Variants in PRUNE1 observed in about 807,000 individuals in gnomAD.
The protein encoded by PRUNE1 is prune exopolyphosphatase 1.
Under a neutral mutation model 42.5 loss-of-function variants are expected in PRUNE1, and 25 were observed. That is an observed-to-expected ratio of 0.59 (90% CI 0.43 to 0.82). The LOEUF is 0.82. PRUNE1 is among the 40% of genes least tolerant of loss of function. The pLI, the probability that PRUNE1 is intolerant of heterozygous loss-of-function variation, is 0.00. For synonymous variants in PRUNE1, 203 were observed against 217.1 expected (o/e 0.93, Z 0.57); for missense variants, 443 against 539.3 (o/e 0.82, Z 1.77).
At chr1:151,019,556 CAAAAAAAA>C (rs61399605) in intron 3 of PRUNE1, among the ~76,000 whole-genome samples, 1 of 106,224 alleles carries the variant, frequency 9.4e-6, no homozygotes, top group Non-Finnish European at 1.8e-5. Flanking sequence ...GACCCTGTCT[CAAAAAAAA>C]AAAAAAAAAA....
intron 6 of PRUNE1, 68 bp from the exon 7 acceptor site, chr1:151,028,718 C>T (rs955998718): frequency 1.4e-5 from 21 of 1,537,796 alleles, no homozygotes; most frequent in South Asian, 3.5e-5. Flanking sequence ...CGACCGTGCC[C>T]GGCCCAAGGA....
Position 151,034,733 on chromosome 1 carries a change from A to G in PRUNE1, c.*499A>G, listed in dbSNP as rs1675457113. Reference sequence around the variant, plus strand: ...TTTATTCCAGTTTTCAGCCTACAGCAGATTATCAGCTCGGTGACTTTTCTT... The same window carrying G: ...TTTATTCCAGTTTTCAGCCTACAGCGGATTATCAGCTCGGTGACTTTTCTT... On this transcript the variant is annotated 3_prime_UTR_variant, in exon 8 of 8. Coordinates refer to ENST00000271620, the MANE Select transcript of PRUNE1 (RefSeq NM_021222.3). 6.3e-6 allele frequency: 1 copy of G among 159,684 alleles called. No individual in the cohort carries two copies. Among genetic ancestry groups the G allele is most frequent in the African/African-American group, 2.4e-5 (1 of 41,538 alleles). The allele number at this position is 159,684 out of a possible 1,614,324, so 9.9% of individuals were successfully genotyped here. A position where few individuals can be genotyped will look rare whatever the true frequency, so the allele number is the denominator to read the frequency against.
chr1:151,029,301 T>A (rs1356247102), intron 7 of PRUNE1, among the ~76,000 whole-genome samples: 5 of 151,112 alleles, frequency 3.3e-5, no homozygotes, highest in African/African-American at 1.2e-4. Context: ...CTAGGGACAG[T>A]GGCACGTGCC....
At chr1:151,010,357 T>G (rs1347858265) in intron 1 of PRUNE1, among the ~76,000 whole-genome samples, 1 of 152,358 alleles carries the variant, frequency 6.6e-6, no homozygotes, top group Non-Finnish European at 1.5e-5. Context: ...GTGTTGGAAT[T>G]ACAGGTGTTA....
intron 1 of PRUNE1, among the ~76,000 whole-genome samples, chr1:151,009,206 G>A (rs1348242789): frequency 6.6e-6 from 1 of 152,140 alleles, no homozygotes; most frequent in Non-Finnish European, 1.5e-5. Flanking sequence ...GTTAGAAGTA[G>A]TCACAGTATT....
At chr1:151,013,245 T>C (rs2102898828) in intron 1 of PRUNE1, among the ~76,000 whole-genome samples, 1 of 152,126 alleles carries the variant, frequency 6.6e-6, no homozygotes, top group Non-Finnish European at 1.5e-5. Context: ...GGTTTGCGGG[T>C]GGTGAATAGT....
intron 5 of PRUNE1, 132 bp downstream of exon 5, chr1:151,025,805 A>G (rs1380724944): frequency 4.6e-6 from 4 of 862,222 alleles, no homozygotes; most frequent in South Asian, 3.8e-5. Flanking sequence ...CAGTGGCACA[A>G]TCTTGGCACA....
intron 1 of PRUNE1, among the ~76,000 whole-genome samples, chr1:151,009,398 A>G (rs1673601278): frequency 6.6e-6 from 1 of 152,160 alleles, no homozygotes; most frequent in Non-Finnish European, 1.5e-5. Context: ...AACCATAAAT[A>G]TGACTACTCA....
chr1:151,031,193 G>GTGTTT (rs1553254659), intron 7 of PRUNE1, among the ~76,000 whole-genome samples: 1 of 119,528 alleles, frequency 8.4e-6, no homozygotes, highest in African/African-American at 3.2e-5. Flanking sequence ...GTGTGTGTGT[G>GTGTTT]TTTTTTTTTT....
intron 3 of PRUNE1, among the ~76,000 whole-genome samples, chr1:151,021,811 G>A (rs1181442372): frequency 2.0e-5 from 3 of 150,474 alleles, no homozygotes; most frequent in Admixed American, 1.3e-4. Context: ...TCCGCCTCCC[G>A]GGATAATTTT....
chr1:151,026,134 C>T (rs1362399503), intron 5 of PRUNE1, among the ~76,000 whole-genome samples: 2 of 151,696 alleles, frequency 1.3e-5, no homozygotes. Context: ...TATCCTGGCT[C>T]TTGGTTAGGA....
intron 4 of PRUNE1, among the ~76,000 whole-genome samples, chr1:151,025,205 A>G (rs1003835361): frequency 6.6e-6 from 1 of 151,954 alleles, no homozygotes; most frequent in Non-Finnish European, 1.5e-5. Context: ...GTCTTTTCCA[A>G]CTTAGAAGAT....
chr1:151,029,000 C>A, intron 7 of PRUNE1, 56 bp downstream of exon 7: 1 of 1,517,194 alleles, frequency 6.6e-7, no homozygotes, highest in Non-Finnish European at 9.1e-7. Flanking sequence ...CCTGTATGTA[C>A]CTCTGTGCTC....
chr1:151,016,716 G>A (rs1242138682), intron 1 of PRUNE1, among the ~76,000 whole-genome samples: 2 of 151,244 alleles, frequency 1.3e-5, no homozygotes, highest in South Asian at 2.1e-4. Flanking sequence ...TGGTTAGGTT[G>A]GTCTCAAACT....
chr1:151,022,257 C>T (rs1249337463), intron 3 of PRUNE1, among the ~76,000 whole-genome samples: 1 of 150,466 alleles, frequency 6.6e-6, no homozygotes, highest in South Asian at 2.1e-4. Flanking sequence ...TACAAGCATG[C>T]GCCACCACAC....
chr1:151,030,019 T>G (rs1025508381), intron 7 of PRUNE1, among the ~76,000 whole-genome samples: 2 of 151,776 alleles, frequency 1.3e-5, no homozygotes, highest in African/African-American at 4.8e-5. Context: ...ATCCCAGCAC[T>G]TTGGGAAGCT....
At chr1:151,031,166 G>GTTTTTTTTT (rs1182348797) in intron 7 of PRUNE1, among the ~76,000 whole-genome samples, 2 of 146,156 alleles carry the variant, frequency 1.4e-5, no homozygotes, top group African/African-American at 5.1e-5. Context: ...TTCTCTCTCT[G>GTTTTTTTTT]TTTTGTTTTT....
chr1:151,013,838 G>T lies in PRUNE1; in HGVS notation c.40-3974G>T, dbSNP rs150883424. The stretch of plus-strand genomic sequence containing the variant: ...AGTTCTTGGTCTCCAGGAAACAGAG[G>T]TCTCTGGTATCAGGAGGAGGAATTA... On this transcript the variant is annotated intron_variant, in intron 1 of 7. Transcript: ENST00000271620. Among the ~76,000 whole-genome samples, 686 of 152,270 alleles carry T rather than the reference G, an allele frequency of 4.5e-3. 10 individuals carry two copies. Among genetic ancestry groups the T allele is most frequent in the African/African-American group, 0.016 (652 of 41,538 alleles).
chr1:151,031,973 G>C (rs751035063), intron 7 of PRUNE1, among the ~76,000 whole-genome samples: 15 of 152,294 alleles, frequency 9.8e-5, no homozygotes, highest in Non-Finnish European at 1.9e-4. Context: ...GGCTGGGTAT[G>C]GTAGCTCATG....
Sources: gnomAD v4.1 joint callset for allele counts (sites outside exome capture counted in the v4.1 genomes callset) on GRCh38, gnomAD v4.1.1 for gene constraint, MANE v1.5 for transcripts, NCBI Gene and HGNC (gene_info 2026-07-23, HGNC 2026-07-21) for gene names.